TTC27: variants seen among roughly 807,000 people sequenced by gnomAD.
The protein encoded by TTC27 is tetratricopeptide repeat protein 27.
Under a neutral mutation model 115.9 loss-of-function variants are expected in TTC27, and 79 were observed. That is an observed-to-expected ratio of 0.68 (90% CI 0.57 to 0.82). The LOEUF (loss-of-function observed/expected upper bound fraction) is 0.82. Among genes scored for constraint, TTC27 ranks in the 40% least tolerant of loss-of-function variants. TTC27 has a pLI of 0.00. For missense variants in TTC27, 1,054 were observed against 993.1 expected, an observed-to-expected ratio of 1.06 and a Z score of -0.82; for synonymous variants, 401 against 356.0, an observed-to-expected ratio of 1.13 and a Z score of -1.42.
intron 18 of TTC27, 68 bp from the exon 19 acceptor site, chr2:32,817,389 G>A (rs1026941714): frequency 2.2e-5 from 28 of 1,269,618 alleles, no homozygotes; most frequent in Non-Finnish European, 2.7e-5. Flanking sequence ...TTAAATAATT[G>A]GCTTTTGTAC....
chr2:32,694,575 A>C (rs201178095), intron 9 of TTC27, among the ~76,000 whole-genome samples: 1 of 152,170 alleles, frequency 6.6e-6, no homozygotes, highest in African/African-American at 2.4e-5. Flanking sequence ...GACTTTAAAA[A>C]AGTAATGAAA....
At chr2:32,767,033 C>T (rs766021658) in intron 13 of TTC27, among the ~76,000 whole-genome samples, 6 of 152,156 alleles carry the variant, frequency 3.9e-5, no homozygotes, top group Admixed American at 6.5e-5. Context: ...CGATCTGCCC[C>T]GCTTGACCTT....
intron 16 of TTC27, among the ~76,000 whole-genome samples, chr2:32,806,127 C>G (rs951455996): frequency 2.0e-5 from 3 of 152,198 alleles, no homozygotes; most frequent in Non-Finnish European, 4.4e-5. Flanking sequence ...TCTTGAGCCA[C>G]TTATTACATA....
intron 11 of TTC27, 48 bp downstream of exon 11, chr2:32,733,971 A>C (rs370630073): frequency 7.2e-6 from 9 of 1,248,246 alleles, no homozygotes; most frequent in Non-Finnish European, 1.0e-5. Context: ...TGGCATTAGA[A>C]AGGTAAATGC....
At chr2:32,726,502 C>A (rs898578282) in intron 10 of TTC27, among the ~76,000 whole-genome samples, 1 of 152,212 alleles carries the variant, frequency 6.6e-6, no homozygotes, top group Non-Finnish European at 1.5e-5. Flanking sequence ...TGCTCTAGTT[C>A]CCAACAAGTT....
At chr2:32,688,426 G>C (rs1481110113) in intron 9 of TTC27, among the ~76,000 whole-genome samples, 1 of 152,030 alleles carries the variant, frequency 6.6e-6, no homozygotes, top group Non-Finnish European at 1.5e-5. Flanking sequence ...TGATAAATTG[G>C]ACTTTATTAA....
At chr2:32,704,896 A>T (rs1418305591) in intron 10 of TTC27, 1 of 471,036 alleles carries the variant, frequency 2.1e-6, no homozygotes, top group South Asian at 1.5e-5. Flanking sequence ...GTCACTGGGG[A>T]TGTTATTTGA....
intron 12 of TTC27, among the ~76,000 whole-genome samples, chr2:32,752,277 C>T (rs1299744464): frequency 6.6e-6 from 1 of 152,130 alleles, no homozygotes; most frequent in African/African-American, 2.4e-5. Flanking sequence ...ATCATCTGGG[C>T]CCTGTTGGGG....
chr2:32,779,970 A>C, intron 14 of TTC27: 1 of 327,086 alleles, frequency 3.1e-6, no homozygotes, highest in Non-Finnish European at 7.1e-6. Flanking sequence ...AGTGGTCAAA[A>C]ATTAATTGAC....
intron 9 of TTC27, among the ~76,000 whole-genome samples, chr2:32,693,246 A>G (rs1247022801): frequency 2.0e-5 from 3 of 152,170 alleles, no homozygotes; most frequent in Non-Finnish European, 4.4e-5. Flanking sequence ...AGTCTTGAAG[A>G]ACAGAGCTGG....
chr2:32,799,144 A>G (rs1279790940), intron 16 of TTC27, among the ~76,000 whole-genome samples: 2 of 152,232 alleles, frequency 1.3e-5, no homozygotes, highest in East Asian at 3.8e-4. Context: ...AAAAAAACAA[A>G]TACTGTATGA....
At chr2:32,765,560 G>A (rs1402216510) in intron 13 of TTC27, among the ~76,000 whole-genome samples, 1 of 152,130 alleles carries the variant, frequency 6.6e-6, no homozygotes, top group Non-Finnish European at 1.5e-5. Context: ...GTCACCAGGT[G>A]TATTAGCCCC....
intron 10 of TTC27, among the ~76,000 whole-genome samples, chr2:32,714,478 A>G (rs1037881723): frequency 6.6e-6 from 1 of 152,040 alleles, no homozygotes; most frequent in Non-Finnish European, 1.5e-5. Flanking sequence ...CATTTTCTTT[A>G]TTTAGTCTAC....
At chr2:32,680,872 G>A (rs1666397930) in intron 9 of TTC27, among the ~76,000 whole-genome samples, 1 of 152,248 alleles carries the variant, frequency 6.6e-6, no homozygotes. Flanking sequence ...AGCATTTCTT[G>A]TGTGTGTGGC....
In TTC27 at chr2:32,633,947, CT is replaced by C. The variant is rs1664314125; in HGVS notation, c.339del (p.Val114LeufsTer28). 1.2e-6 allele frequency: 2 copies of C among 1,613,840 alleles called. No homozygotes were observed. The highest frequency in any genetic ancestry group is 1.7e-5 in the Admixed American group (1 of 59,990). ...LFVQSNWTGPPVDLHPQDFLS... is the reference protein window; with the variant it reads ...LFVQSNWTGPXVDLHPQDFLS... The stretch of plus-strand genomic sequence containing the variant: ...GTTCAGAGCAACTGGACGGGGCCCC[CT>C]GTTGACTTACACCCTCAGGACTTTT... On this transcript the variant is annotated frameshift_variant, in exon 3 of 20. Coordinates refer to ENST00000317907, the MANE Select transcript of TTC27 (RefSeq NM_017735.5). LOFTEE classifies it high-confidence loss of function.
intron 3 of TTC27, among the ~76,000 whole-genome samples, chr2:32,637,213 T>A (rs1047385185): frequency 8.5e-5 from 13 of 152,242 alleles, no homozygotes; most frequent in Non-Finnish European, 1.5e-4. Context: ...TATGTTAAAT[T>A]ACTTGTTTGT....
At chr2:32,663,724 G>A (rs965986226) in intron 5 of TTC27, among the ~76,000 whole-genome samples, 4 of 151,926 alleles carry the variant, frequency 2.6e-5, no homozygotes, top group African/African-American at 4.8e-5. Flanking sequence ...TTGCTCTGTC[G>A]CTCAGGCTGG....
chr2:32,752,245 C>G (rs1466504793), intron 12 of TTC27, among the ~76,000 whole-genome samples: 1 of 152,158 alleles, frequency 6.6e-6, no homozygotes. Context: ...GCTGGTTCTC[C>G]CATTTAAAAT....
chr2:32,765,825 C>A (rs1572592865), intron 13 of TTC27, among the ~76,000 whole-genome samples: 1 of 152,160 alleles, frequency 6.6e-6, no homozygotes, highest in East Asian at 1.9e-4. Flanking sequence ...CATGAACCAT[C>A]TCTACTAGAT....
Sources: gnomAD v4.1 joint callset for allele counts (sites outside exome capture counted in the v4.1 genomes callset) on GRCh38, gnomAD v4.1.1 for gene constraint, MANE v1.5 for transcripts, NCBI Gene and HGNC (gene_info 2026-07-23, HGNC 2026-07-21) for gene names.